Variants in MCF2L2 observed in about 807,000 individuals in gnomAD.
MCF2L2 encodes the protein probable guanine nucleotide exchange factor MCF2L2.
MCF2L2 carries 102 observed loss-of-function variants against 150.2 expected under a neutral mutation model. That is an observed-to-expected ratio of 0.68 (90% confidence interval 0.58 to 0.80). MCF2L2 has a LOEUF of 0.80. MCF2L2 is among the 30% of genes least tolerant of loss of function. MCF2L2 has a pLI of 0.00. For synonymous variants in MCF2L2, 465 were observed against 491.3 expected, an observed-to-expected ratio of 0.95 and a Z score of 0.71; for missense variants, 1,256 against 1,372.8, an observed-to-expected ratio of 0.91 and a Z score of 1.34.
At chr3:183,309,191 A>G (rs1397415138) in intron 10 of MCF2L2, among the ~76,000 whole-genome samples, 1 of 152,200 alleles carries the variant, frequency 6.6e-6, no homozygotes, top group Non-Finnish European at 1.5e-5. Flanking sequence ...AGCTTTGCCA[A>G]TTCTGTGTAG....
intron 15 of MCF2L2, chr3:183,272,198 G>A: frequency 3.0e-6 from 3 of 999,948 alleles, no homozygotes; most frequent in Non-Finnish European, 3.6e-6. Context: ...ATCTAATAGA[G>A]TAAGTTACAT....
intron 21 of MCF2L2, among the ~76,000 whole-genome samples, chr3:183,219,627 G>A (rs1201490903): frequency 1.3e-5 from 2 of 150,804 alleles, no homozygotes; most frequent in Non-Finnish European, 3.0e-5. Flanking sequence ...AAAAAATTAT[G>A]TGGAAGGAAG....
intron 3 of MCF2L2, among the ~76,000 whole-genome samples, chr3:183,364,477 G>A (rs868503528): frequency 3.3e-5 from 5 of 151,944 alleles, no homozygotes; most frequent in African/African-American, 4.8e-5. Context: ...CCAAGATCAC[G>A]CCACTGCACT....
At position 183,246,521 on chromosome 3, in the gene MCF2L2, G is replaced by C. The variant is rs1262902008; in HGVS notation, c.1863-15504C>G. On this transcript the variant is annotated intron_variant, in intron 15 of 29. Coordinates refer to ENST00000328913, the MANE Select transcript of MCF2L2 (RefSeq NM_015078.4). ...CATGTTGTAGCATTTATCAGAATTT[G>C]ATTCATTTTTAAGGCTGAATATCTT... 4.6e-5 allele frequency among the ~76,000 whole-genome samples: 7 copies of C among 152,114 alleles called. No individual in the cohort carries two copies. The East Asian group carries it at 1.3e-3, about 29-fold the overall frequency.
chr3:183,298,354 C>T (rs1352509623), intron 11 of MCF2L2: 2 of 152,062 alleles, frequency 1.3e-5, no homozygotes, highest in Non-Finnish European at 2.9e-5. Context: ...AGTAACTATA[C>T]AGAGAAAAAA....
chr3:183,353,404 T>C (rs1195592789), intron 3 of MCF2L2, among the ~76,000 whole-genome samples: 2 of 152,162 alleles, frequency 1.3e-5, no homozygotes, highest in Admixed American at 1.3e-4. Context: ...AGTAATGGGA[T>C]GTATTAGCCC....
intron 27 of MCF2L2, among the ~76,000 whole-genome samples, chr3:183,183,115 C>T (rs528333062): frequency 2.6e-5 from 4 of 152,210 alleles, no homozygotes; most frequent in Non-Finnish European, 4.4e-5. Context: ...CCCACATCAG[C>T]CTCCTGAGTA....
In MCF2L2 at chr3:183,354,898, T is replaced by C. The variant is rs1711667602; in HGVS notation, c.276-13268A>G. 2.6e-5 allele frequency among the ~76,000 whole-genome samples: 4 copies of C among 152,144 alleles called. No individual in the cohort carries two copies. In the South Asian group the frequency reaches 8.3e-4, roughly 32 times the overall value. The stretch of plus-strand genomic sequence containing the variant: ...TGTTACTGATCAATAACGTAGTCCC[T>C]ATAAGCATGCAAAGGGAATAAATCC... On this transcript the variant is annotated intron_variant, in intron 3 of 29. Transcript: ENST00000328913.
intron 15 of MCF2L2, among the ~76,000 whole-genome samples, chr3:183,259,249 G>A (rs951473563): frequency 6.6e-6 from 1 of 152,148 alleles, no homozygotes; most frequent in Non-Finnish European, 1.5e-5. Context: ...TTGAGTGAAC[G>A]TTGTTCTTCT....
chr3:183,371,240 C>T lies in MCF2L2; in HGVS notation c.275+8057G>A, dbSNP rs575779070. ...AAGTTTATTTTGCCATGGGTAAGGT[C>T]GCACCTGTGACACAGCCTCAGGAGG... On this transcript the variant is annotated intron_variant, in intron 3 of 29. Coordinates refer to ENST00000328913, the MANE Select transcript of MCF2L2 (RefSeq NM_015078.4). 9.2e-5 allele frequency among the ~76,000 whole-genome samples: 14 copies of T among 152,280 alleles called. No homozygotes were observed. In the South Asian group the frequency reaches 1.2e-3, roughly 14 times the overall value.
chr3:183,249,724 AGT>A (rs1724428433), intron 15 of MCF2L2, among the ~76,000 whole-genome samples: 2 of 152,332 alleles, frequency 1.3e-5, no homozygotes, highest in South Asian at 4.1e-4. Flanking sequence ...GCAAAGAGCT[AGT>A]GTGTCTCCAG....
At chr3:183,387,742 GGCCAACATGGTGAAA>G (rs1281044462) in intron 2 of MCF2L2, among the ~76,000 whole-genome samples, 1 of 152,038 alleles carries the variant, frequency 6.6e-6, no homozygotes, top group East Asian at 1.9e-4. Flanking sequence ...AGACCAGCCT[GGCCAACATGGTGAAA>G]GCCCATCTCT....
intron 3 of MCF2L2, among the ~76,000 whole-genome samples, chr3:183,361,112 A>AAG (rs1712168296): frequency 2.3e-5 from 2 of 86,338 alleles, no homozygotes; most frequent in African/African-American, 2.3e-4. Context: ...CAAGAAAAGA[A>AAG]AAAAGAAAAA....
At chr3:183,364,533 A>G (rs1712413525) in intron 3 of MCF2L2, among the ~76,000 whole-genome samples, 1 of 152,150 alleles carries the variant, frequency 6.6e-6, no homozygotes, top group South Asian at 2.1e-4. Context: ...AATAAAAAAA[A>G]CAAAAGATAA....
chr3:183,247,448 G>T (rs1168901268), intron 15 of MCF2L2, among the ~76,000 whole-genome samples: 2 of 152,156 alleles, frequency 1.3e-5, no homozygotes, highest in Non-Finnish European at 2.9e-5. Flanking sequence ...GAGATGTCTG[G>T]CATACCAAGG....
intron 1 of MCF2L2, 29 bp from the exon 2 acceptor site, chr3:183,389,808 G>GTT: frequency 1.3e-6 from 2 of 1,543,304 alleles, no homozygotes; most frequent in South Asian, 2.2e-5. Flanking sequence ...AAGTGGGTTA[G>GTT]TTAAACATGT....
intron 3 of MCF2L2, among the ~76,000 whole-genome samples, chr3:183,360,949 T>C (rs1337133543): frequency 9.9e-6 from 1 of 100,602 alleles, no homozygotes; most frequent in African/African-American, 3.8e-5. Flanking sequence ...GCAAGAAGAG[T>C]GAAACTCAGA....
chr3:183,360,988 GAAAAGAAAAGAAAAGAAAAGAAAAGA>G (rs1712121361), intron 3 of MCF2L2, among the ~76,000 whole-genome samples: 3 of 118,776 alleles, frequency 2.5e-5, no homozygotes, highest in African/African-American at 1.3e-4. Context: ...GAAAAGAAAA[GAAAAGAAAAGAAAAGAAAAGAAAAGA>G]AAAGAAAAGA....
rs1712274002 is a variant in MCF2L2 at position 183,362,552 on chromosome 3, C to T, written c.275+16745G>A. 2.0e-5 allele frequency among the ~76,000 whole-genome samples: 3 copies of T among 151,586 alleles called. No individual in the cohort carries two copies. In the South Asian group the frequency reaches 6.3e-4, roughly 32 times the overall value. On this transcript the variant is annotated intron_variant, in intron 3 of 29. Coordinates refer to ENST00000328913, the MANE Select transcript of MCF2L2 (RefSeq NM_015078.4). ...AATGAAAAGAAAAGCAAGACAGTGG[C>T]TGTCTGGTAAAGGCAAAAAGAAGTA...
Sources: allele counts gnomAD v4.1 joint callset (sites outside exome capture counted in the v4.1 genomes callset), GRCh38; gene constraint gnomAD v4.1.1; transcripts MANE v1.5; gene names NCBI Gene and HGNC (gene_info 2026-07-23, HGNC 2026-07-21).